Variants in LRMDA observed in about 807,000 individuals in gnomAD.
LRMDA encodes the protein leucine-rich melanocyte differentiation-associated protein.
Under a neutral mutation model 29.8 loss-of-function variants are expected in LRMDA, and 18 were observed. That is an observed-to-expected ratio of 0.60 (90% CI 0.42 to 0.90). The LOEUF (loss-of-function observed/expected upper bound fraction) is 0.90. Among genes scored for constraint, LRMDA ranks in the 40% least tolerant of loss-of-function variants. The pLI, the probability that LRMDA is intolerant of heterozygous loss-of-function variation, is 0.00. For synonymous variants in LRMDA, 125 were observed against 109.4 expected (o/e 1.14, Z -0.89); for missense variants, 273 against 273.9 (o/e 1.00, Z 0.02).
chr10:75,477,955 C>T (rs1361065035), intron 2 of LRMDA, among the ~76,000 whole-genome samples: 2 of 152,256 alleles, frequency 1.3e-5, no homozygotes, highest in African/African-American at 2.4e-5. Flanking sequence ...CTTTCAGCTG[C>T]AGCACAGGAG....
chr10:75,565,249 G>T (rs1229578141), intron 2 of LRMDA, among the ~76,000 whole-genome samples: 1 of 152,188 alleles, frequency 6.6e-6, no homozygotes, highest in Non-Finnish European at 1.5e-5. Context: ...CCTAGGTTGT[G>T]TCAAGATTCC....
chr10:75,783,485 CAA>C (rs55852739), intron 2 of LRMDA, among the ~76,000 whole-genome samples: 88 of 70,462 alleles, frequency 1.2e-3, no homozygotes, highest in Admixed American at 1.8e-3. Flanking sequence ...TGCTCAGAGG[CAA>C]AAAAAAAAAA....
chr10:75,889,829 G>A (rs1206886960), intron 2 of LRMDA, among the ~76,000 whole-genome samples: 1 of 152,186 alleles, frequency 6.6e-6, no homozygotes, highest in African/African-American at 2.4e-5. Flanking sequence ...TCTATGATAT[G>A]GTTATGTTTA....
rs903343132 is a variant in LRMDA, at chr10:76,559,874, C to T, written c.*2586C>T. 15 of 152,214 alleles carry T rather than the reference C, an allele frequency of 9.9e-5. No individual in the cohort carries two copies. Among genetic ancestry groups the T allele is most frequent in the African/African-American group, 3.6e-4 (15 of 41,450 alleles). The allele number at this position is 152,214 out of a possible 1,614,324, so 9.4% of individuals were successfully genotyped here. A position where few individuals can be genotyped will look rare whatever the true frequency, so the allele number is the denominator to read the frequency against. On this transcript the variant is annotated 3_prime_UTR_variant, in exon 7 of 7. Coordinates refer to ENST00000611255, the MANE Select transcript of LRMDA (RefSeq NM_001305581.2). ...GGCAATTCAAGGCTGTCCTGCAGCTCTCTGTTGCCTCAGCAATGTCAGGAC... is the reference window on the plus strand; with the variant it reads ...GGCAATTCAAGGCTGTCCTGCAGCTTTCTGTTGCCTCAGCAATGTCAGGAC...
chr10:75,649,276 G>A (rs1290237775), intron 2 of LRMDA, among the ~76,000 whole-genome samples: 1 of 152,168 alleles, frequency 6.6e-6, no homozygotes, highest in Non-Finnish European at 1.5e-5. Flanking sequence ...TGTGGCATGT[G>A]TCAGAATTTT....
chr10:75,811,224 T>C lies in LRMDA; in HGVS notation c.132-224784T>C, dbSNP rs147233753. The stretch of plus-strand genomic sequence containing the variant: ...TCAGCAACCATAGATGGAATTTACA[T>C]GGTTGCCTGTCTGGTTATTCTCATC... On this transcript the variant is annotated intron_variant, in intron 2 of 6. Coordinates refer to ENST00000611255, the MANE Select transcript of LRMDA (RefSeq NM_001305581.2). 2.6e-5 allele frequency among the ~76,000 whole-genome samples: 4 copies of C among 152,342 alleles called. No homozygotes were observed. The East Asian group carries it at 5.8e-4, about 22-fold the overall frequency.
chr10:75,871,237 A>G (rs1287108694), intron 2 of LRMDA, among the ~76,000 whole-genome samples: 1 of 152,168 alleles, frequency 6.6e-6, no homozygotes, highest in Non-Finnish European at 1.5e-5. Flanking sequence ...GCTCCCATGC[A>G]GAGTTTCGCA....
intron 2 of LRMDA, among the ~76,000 whole-genome samples, chr10:75,997,799 A>G (rs764931998): frequency 6.6e-6 from 1 of 152,146 alleles, no homozygotes; most frequent in Non-Finnish European, 1.5e-5. Context: ...CACAGCCCCT[A>G]TTTGACTGTG....
intron 2 of LRMDA, among the ~76,000 whole-genome samples, chr10:75,838,426 A>G (rs903487474): frequency 1.3e-5 from 2 of 152,210 alleles, no homozygotes; most frequent in Non-Finnish European, 2.9e-5. Context: ...GAATAAAACA[A>G]TCACTTGAAA....
intron 2 of LRMDA, among the ~76,000 whole-genome samples, chr10:75,567,484 G>T (rs34694612): frequency 6.6e-6 from 1 of 152,162 alleles, no homozygotes; most frequent in Non-Finnish European, 1.5e-5. Flanking sequence ...AATAGATCAG[G>T]CCAAATGATC....
intron 2 of LRMDA, among the ~76,000 whole-genome samples, chr10:75,660,750 G>C (rs1841742059): frequency 6.6e-6 from 1 of 151,330 alleles, no homozygotes; most frequent in East Asian, 1.9e-4. Context: ...TTTGAGACTT[G>C]GGGGAGGAAA....
Position 76,109,446 on chromosome 10 carries a change from A to G in LRMDA, c.516+50663A>G, listed in dbSNP as rs563420886. Among the ~76,000 whole-genome samples, 39 of 152,316 alleles carry G rather than the reference A, an allele frequency of 2.6e-4. No individual in the cohort carries two copies. In the East Asian group the frequency reaches 6.2e-3, roughly 24 times the overall value. On this transcript the variant is annotated intron_variant, in intron 5 of 6. Coordinates refer to ENST00000611255, the MANE Select transcript of LRMDA (RefSeq NM_001305581.2). ...ATTTTTTCGTCCTCTGGGGAAACAG[A>G]GTCATTTTTTCCTTCTTTATCTTGC...
chr10:76,386,984 T>C (rs921358458), intron 6 of LRMDA, among the ~76,000 whole-genome samples: 7 of 152,208 alleles, frequency 4.6e-5, no homozygotes, highest in Admixed American at 2.6e-4. Context: ...TATTCGTAAA[T>C]AAAACTATTA....
At position 76,192,356 on chromosome 10, in the gene LRMDA, A is replaced by G. The variant is rs535693329; in HGVS notation, c.517-132045A>G. 6.0e-4 allele frequency among the ~76,000 whole-genome samples: 92 copies of G among 152,308 alleles called. 1 individual carries two copies. Among genetic ancestry groups the G allele is most frequent in the Non-Finnish European group, 1.0e-3 (69 of 68,028 alleles). On this transcript the variant is annotated intron_variant, in intron 5 of 6. Coordinates refer to ENST00000611255, the MANE Select transcript of LRMDA (RefSeq NM_001305581.2). Reference sequence around the variant, plus strand: ...CAACTGTCCAGTTCTTTATTTAACAATTGATCAGACCAGGGGCCAAGAGAA... The same window carrying G: ...CAACTGTCCAGTTCTTTATTTAACAGTTGATCAGACCAGGGGCCAAGAGAA...
rs182987988 is a variant in LRMDA, at chr10:75,863,109, C to T, written c.132-172899C>T. Among the ~76,000 whole-genome samples the T allele has an allele frequency of 5.8e-3, 883 of 152,018 alleles. 9 individuals are homozygous for T. Among genetic ancestry groups the T allele is most frequent in the Non-Finnish European group, 9.0e-3 (615 of 67,988 alleles). Reference sequence around the variant, plus strand: ...GATTCTCTGACATTTTAGTTGTGGTCGTTATGTTATATTTATGAGATGAAT... The same window carrying T: ...GATTCTCTGACATTTTAGTTGTGGTTGTTATGTTATATTTATGAGATGAAT... On this transcript the variant is annotated intron_variant, in intron 2 of 6. Transcript: ENST00000611255.
intron 6 of LRMDA, among the ~76,000 whole-genome samples, chr10:76,430,733 G>A (rs910944559): frequency 6.6e-6 from 1 of 152,158 alleles, no homozygotes; most frequent in Admixed American, 6.5e-5. Context: ...GAGCTAGAAT[G>A]TTCAGAGGAA....
chr10:76,186,301 C>A (rs1306915634), intron 5 of LRMDA, among the ~76,000 whole-genome samples: 1 of 152,240 alleles, frequency 6.6e-6, no homozygotes, highest in Non-Finnish European at 1.5e-5. Context: ...ACCCCCAGGG[C>A]AGCCCCAGCT....
intron 6 of LRMDA, among the ~76,000 whole-genome samples, chr10:76,382,142 G>A (rs1474028917): frequency 6.6e-6 from 1 of 152,162 alleles, no homozygotes; most frequent in Admixed American, 6.5e-5. Flanking sequence ...CTACTTCTGG[G>A]TAGAGACTCT....
chr10:76,054,220 T>G (rs368406264), intron 4 of LRMDA, among the ~76,000 whole-genome samples: 7 of 152,240 alleles, frequency 4.6e-5, no homozygotes, highest in Non-Finnish European at 1.0e-4. Context: ...ATGGAACTAT[T>G]TGGGGCAAGT....
Sources: gnomAD v4.1 joint callset for allele counts (sites outside exome capture counted in the v4.1 genomes callset) on GRCh38, gnomAD v4.1.1 for gene constraint, MANE v1.5 for transcripts, NCBI Gene and HGNC (gene_info 2026-07-23, HGNC 2026-07-21) for gene names.